The following ATG5 variants were observed in gnomAD, a reference collection of about 807,000 sequenced individuals.
ATG5 encodes the protein autophagy related 5.
Under a neutral mutation model 36.5 loss-of-function variants are expected in ATG5, and 14 were observed. The observed-to-expected ratio is 0.38, with a 90% CI of 0.25 to 0.60. The LOEUF is 0.60. Ranked by LOEUF, ATG5 falls within the 20% of genes least tolerant of loss-of-function variation. ATG5 has a pLI of 0.60. For synonymous variants in ATG5, 95 were observed against 101.5 expected, an observed-to-expected ratio of 0.94 and a Z score of 0.38; for missense variants, 195 against 326.7, an observed-to-expected ratio of 0.60 and a Z score of 3.11.
chr6:106,198,777 G>A (rs1321930198), intron 7 of ATG5, among the ~76,000 whole-genome samples: 7 of 148,158 alleles, frequency 4.7e-5, no homozygotes, highest in South Asian at 2.1e-4. Flanking sequence ...CCCTGTCTGG[G>A]AAAAAAAAAA....
chr6:106,211,602 C>G (rs1332212151), intron 6 of ATG5, among the ~76,000 whole-genome samples: 1 of 152,134 alleles, frequency 6.6e-6, no homozygotes, highest in Non-Finnish European at 1.5e-5. Context: ...CCCAGCTACT[C>G]AGGAGGCTGA....
In ATG5 at chr6:106,248,194, C is replaced by A; in HGVS notation, c.529G>T (p.Ala177Ser). Residue 177 changes from alanine to serine, a missense_variant, in exon 6 of 8, where the codon GCA (alanine) becomes TCA (serine). By Grantham distance (99) the Ala-to-Ser change is moderately conservative. Coordinates refer to ENST00000369076, the MANE Select transcript of ATG5 (RefSeq NM_004849.4). ...ATATAACGAAATCCATTTTCTTCTGCAGGATATTCCATGAGTTTCCGATTG... is the reference window on the plus strand; with the variant it reads ...ATATAACGAAATCCATTTTCTTCTGAAGGATATTCCATGAGTTTCCGATTG... ...AINRKLMEYP[A>S]EENGFRYIPF... 6.2e-7 allele frequency: 1 copy of A among 1,612,406 alleles called. No individual in the cohort carries two copies. The highest frequency in any genetic ancestry group is 8.5e-7 in the Non-Finnish European group (1 of 1,178,612).
intron 4 of ATG5, among the ~76,000 whole-genome samples, chr6:106,291,575 TAAAC>T (rs1268527742): frequency 6.6e-6 from 1 of 151,326 alleles, no homozygotes; most frequent in African/African-American, 2.4e-5. Context: ...AGTGAATAAA[TAAAC>T]AAGGAGACAG....
At chr6:106,191,430 T>C (rs747229109) in intron 7 of ATG5, among the ~76,000 whole-genome samples, 3 of 152,154 alleles carry the variant, frequency 2.0e-5, no homozygotes, top group Non-Finnish European at 4.4e-5. Flanking sequence ...AGAGGATCAC[T>C]AACACGTCTC....
At chr6:106,273,561 C>T (rs964446884) in intron 5 of ATG5, among the ~76,000 whole-genome samples, 2 of 152,040 alleles carry the variant, frequency 1.3e-5, no homozygotes, top group East Asian at 3.8e-4. Flanking sequence ...TCCAGCTTTA[C>T]AGACATCACC....
intron 7 of ATG5, among the ~76,000 whole-genome samples, chr6:106,188,019 T>TA (rs927668105): frequency 1.3e-5 from 2 of 152,180 alleles, no homozygotes; most frequent in African/African-American, 2.4e-5. Context: ...ACTACTAACC[T>TA]AAAAAAATGC....
At chr6:106,257,554 C>A (rs187161189) in intron 5 of ATG5, among the ~76,000 whole-genome samples, 1 of 152,204 alleles carries the variant, frequency 6.6e-6, no homozygotes, top group Non-Finnish European at 1.5e-5. Flanking sequence ...TAATGCAGAG[C>A]ATGATTGTAC....
intron 4 of ATG5, among the ~76,000 whole-genome samples, chr6:106,286,533 T>C (rs484621): frequency 0.59 from 90,327 of 152,030 alleles, 27,898 homozygotes; most frequent in African/African-American, 0.77. Flanking sequence ...CCTCCATGAT[T>C]TCCACCACCT....
intron 5 of ATG5, among the ~76,000 whole-genome samples, chr6:106,268,022 G>A (rs1337474310): frequency 6.6e-6 from 1 of 151,930 alleles, no homozygotes; most frequent in African/African-American, 2.4e-5. Context: ...CTTCTGCACA[G>A]CAAAAGAAAC....
chr6:106,264,155 C>T (rs899571165), intron 5 of ATG5, among the ~76,000 whole-genome samples: 1 of 152,014 alleles, frequency 6.6e-6, no homozygotes, highest in African/African-American at 2.4e-5. Context: ...CACAAATGAC[C>T]TGATGGAGCT....
intron 3 of ATG5, among the ~76,000 whole-genome samples, chr6:106,298,042 A>G (rs2763218): frequency 0.12 from 17,575 of 148,692 alleles, 1,119 homozygotes; most frequent in African/African-American, 0.17. Context: ...TTGGCTCACT[A>G]CAACCTCTGC....
At chr6:106,321,941 C>G (rs1771094006) in intron 1 of ATG5, among the ~76,000 whole-genome samples, 1 of 152,070 alleles carries the variant, frequency 6.6e-6, no homozygotes, top group South Asian at 2.1e-4. Context: ...ATATATGAAT[C>G]TAGCTACTTA....
chr6:106,241,101 C>T (rs1302904052), intron 6 of ATG5, among the ~76,000 whole-genome samples: 1 of 152,178 alleles, frequency 6.6e-6, no homozygotes, highest in Non-Finnish European at 1.5e-5. Context: ...TGCAGTGAGC[C>T]AAGATCATGC....
chr6:106,266,930 G>A (rs1160397414), intron 5 of ATG5, among the ~76,000 whole-genome samples: 1 of 152,118 alleles, frequency 6.6e-6, no homozygotes, highest in Non-Finnish European at 1.5e-5. Context: ...CATTCCCTTT[G>A]AAAACGGCCA....
intron 5 of ATG5, among the ~76,000 whole-genome samples, chr6:106,264,763 A>G (rs1779163756): frequency 6.6e-6 from 1 of 152,194 alleles, no homozygotes; most frequent in African/African-American, 2.4e-5. Context: ...AGCGAAGGAG[A>G]AATAGAATCC....
At chr6:106,228,839 T>C (rs1363665097) in intron 6 of ATG5, among the ~76,000 whole-genome samples, 1 of 152,124 alleles carries the variant, frequency 6.6e-6, no homozygotes, top group Non-Finnish European at 1.5e-5. Context: ...GGAAGGGCTT[T>C]CTAACAACCC....
At chr6:106,239,811 GC>G (rs1484977808) in intron 6 of ATG5, among the ~76,000 whole-genome samples, 2 of 152,144 alleles carry the variant, frequency 1.3e-5, no homozygotes, top group Middle Eastern at 3.2e-3. Context: ...CCTATCATTT[GC>G]AAATTGTCTA....
intron 2 of ATG5, among the ~76,000 whole-genome samples, chr6:106,312,015 A>G (rs1582687281): frequency 1.3e-5 from 2 of 152,136 alleles, no homozygotes; most frequent in Non-Finnish European, 2.9e-5. Flanking sequence ...TATTTTTAGT[A>G]GAGATGGGTT....
At chr6:106,202,926 G>A (rs1582543593) in intron 6 of ATG5, among the ~76,000 whole-genome samples, 1 of 152,180 alleles carries the variant, frequency 6.6e-6, no homozygotes, top group Non-Finnish European at 1.5e-5. Flanking sequence ...GCCTCCCAGA[G>A]TGTTAGGGTT....
Sources: gnomAD v4.1 joint callset for allele counts (sites outside exome capture counted in the v4.1 genomes callset) on GRCh38, gnomAD v4.1.1 for gene constraint, MANE v1.5 for transcripts, NCBI Gene and HGNC (gene_info 2026-07-23, HGNC 2026-07-21) for gene names.